Variants in FBN1 observed in about 807,000 individuals in gnomAD.
FBN1 encodes the protein fibrillin 1.
In FBN1, 29 loss-of-function variants were observed where a neutral mutation model predicts 365.1. The ratio of observed to expected loss-of-function variants is 0.08; its 90% CI spans 0.06 to 0.11. The LOEUF is 0.11. Ranked by LOEUF, FBN1 falls within the 10% of genes least tolerant of loss-of-function variation. FBN1 has a pLI of 1.00. For synonymous variants in FBN1, 1,210 were observed against 1,270.5 expected (o/e 0.95, Z 1.01); for missense variants, 2,476 against 3,703.2 (o/e 0.67, Z 8.60).
At chr15:48,481,282 T>C (rs1397323913) in intron 32 of FBN1, among the ~76,000 whole-genome samples, 1 of 152,162 alleles carries the variant, frequency 6.6e-6, no homozygotes, top group Non-Finnish European at 1.5e-5. Flanking sequence ...AAACCTTAAA[T>C]GAAGTGTTGG....
At chr15:48,462,951 T>A in intron 42 of FBN1, 131 bp downstream of exon 42, 1 of 895,950 alleles carries the variant, frequency 1.1e-6, no homozygotes, top group Non-Finnish European at 1.8e-6. Context: ...TGAATTTAAA[T>A]CATGAGCCGT....
In FBN1 at chr15:48,499,081, G is replaced by A. The variant is rs769951979; in HGVS notation, c.2114-43C>T. On this transcript the variant is annotated intron_variant, in intron 17 of 65. Coordinates refer to ENST00000316623, the MANE Select transcript of FBN1 (RefSeq NM_000138.5). Reference sequence around the variant, plus strand: ...ATAGTAAATGATTCCCTTGTTTGCAGAACAGGTAGATCCTGCCCTTGGTTT... The same window carrying A: ...ATAGTAAATGATTCCCTTGTTTGCAAAACAGGTAGATCCTGCCCTTGGTTT... The A allele has an allele frequency of 1.2e-5, 19 of 1,592,022 alleles. No homozygotes were observed. In the Middle Eastern group the frequency reaches 5.0e-4, roughly 42 times the overall value.
intron 24 of FBN1, among the ~76,000 whole-genome samples, chr15:48,490,707 A>C (rs1370197395): frequency 6.6e-6 from 1 of 152,222 alleles, no homozygotes; most frequent in Non-Finnish European, 1.5e-5. Context: ...ACCCAAATTC[A>C]TGGGATTATA....
intron 6 of FBN1, among the ~76,000 whole-genome samples, chr15:48,576,977 A>G (rs1383050613): frequency 2.0e-5 from 3 of 152,170 alleles, no homozygotes; most frequent in African/African-American, 7.2e-5. Flanking sequence ...TATTGCCCTC[A>G]TATAAGGAAT....
intron 56 of FBN1, among the ~76,000 whole-genome samples, chr15:48,429,513 G>A (rs922746164): frequency 6.6e-6 from 1 of 152,178 alleles, no homozygotes; most frequent in Admixed American, 6.5e-5. Context: ...TCCCTCAGAT[G>A]GAGCTCTCAC....
chr15:48,602,041 C>T (rs1489111188), intron 4 of FBN1, among the ~76,000 whole-genome samples: 10 of 152,142 alleles, frequency 6.6e-5, no homozygotes, highest in Non-Finnish European at 4.4e-5. Context: ...TACTATGTGC[C>T]ATGCAAAACA....
chr15:48,644,559 T>C, intron 2 of FBN1, 47 bp downstream of exon 2: 1 of 1,612,968 alleles, frequency 6.2e-7, no homozygotes, highest in South Asian at 1.1e-5. Flanking sequence ...GTTCTGGATC[T>C]TGAAACTTGG....
intron 6 of FBN1, among the ~76,000 whole-genome samples, chr15:48,548,896 G>A (rs933684363): frequency 1.2e-4 from 19 of 152,068 alleles, no homozygotes; most frequent in Admixed American, 1.3e-4. Context: ...TAATTAAAAT[G>A]GAATTTTCCA....
intron 35 of FBN1, among the ~76,000 whole-genome samples, chr15:48,472,091 TCTG>T (rs1343751214): frequency 1.3e-5 from 2 of 152,250 alleles, no homozygotes; most frequent in African/African-American, 4.8e-5. Flanking sequence ...GACTATTTGC[TCTG>T]CTTTTATTTC....
rs1457840577 is a variant in FBN1, at chr15:48,421,534, ATCGCAGCTGAAGT to A, written c.7699+11_7699+23del. Reference sequence around the variant, plus strand: ...ACCTCCACAAGGATTCACCAGCTGGATCGCAGCTGAAGTCTCCACCCACCTTCACAGCTGGAGC... The same window carrying A: ...ACCTCCACAAGGATTCACCAGCTGGACTCCACCCACCTTCACAGCTGGAGC... On this transcript the variant is annotated intron_variant, in intron 62 of 65. Transcript: ENST00000316623. 4 of 1,609,384 alleles carry A rather than the reference ATCGCAGCTGAAGT, an allele frequency of 2.5e-6. No individual in the cohort carries two copies. Among genetic ancestry groups the A allele is most frequent in the Non-Finnish European group, 3.4e-6 (4 of 1,178,648 alleles).
Position 48,488,105 on chromosome 15 carries a change from A to C in FBN1, c.3337+8T>G. The C allele has an allele frequency of 6.2e-7, 1 of 1,614,172 alleles. No individual in the cohort carries two copies. Among genetic ancestry groups the C allele is most frequent in the East Asian group, 2.2e-5 (1 of 44,884 alleles). ...CTTTCTGTGTTGATCAAATGATCCC[A>C]AACTTACCCATGCAGTTCTTCATCA... On this transcript the variant is annotated splice_region_variant and intron_variant, in intron 27 of 65. Coordinates refer to ENST00000316623, the MANE Select transcript of FBN1 (RefSeq NM_000138.5).
intron 13 of FBN1, 22 bp downstream of exon 13, chr15:48,513,527 A>G (rs1431388571): frequency 6.2e-7 from 1 of 1,613,790 alleles, no homozygotes; most frequent in Non-Finnish European, 8.5e-7. Context: ...CCCACATTCC[A>G]CGTCAGGAGC....
intron 4 of FBN1, among the ~76,000 whole-genome samples, chr15:48,603,614 G>A (rs542824134): frequency 1.3e-5 from 2 of 152,112 alleles, no homozygotes; most frequent in Admixed American, 1.3e-4. Flanking sequence ...ATCATAATTA[G>A]GAGACCAAGT....
At chr15:48,436,878 C>A in intron 53 of FBN1, 83 bp downstream of exon 53, 1 of 865,506 alleles carries the variant, frequency 1.2e-6, no homozygotes. Context: ...ATCTTGGTAC[C>A]TATATTCATG....
At chr15:48,546,548 G>GCC (rs2044095069) in intron 6 of FBN1, among the ~76,000 whole-genome samples, 1 of 152,176 alleles carries the variant, frequency 6.6e-6, no homozygotes, top group African/African-American at 2.4e-5. Context: ...GTGCAAAGGG[G>GCC]AAGGGGCATG....
intron 65 of FBN1, among the ~76,000 whole-genome samples, chr15:48,411,795 C>T (rs2042865997): frequency 6.6e-6 from 1 of 152,230 alleles, no homozygotes; most frequent in Non-Finnish European, 1.5e-5. Context: ...TTGAGAACCA[C>T]TGTTTTAATA....
chr15:48,569,495 T>C (rs1214191531), intron 6 of FBN1, among the ~76,000 whole-genome samples: 5 of 152,068 alleles, frequency 3.3e-5, no homozygotes, highest in South Asian at 2.1e-4. Context: ...GAAATACATA[T>C]GGTCAGACAA....
rs1048196080 is a variant in FBN1 at position 48,488,180 on chromosome 15, A to C, written c.3270T>G (p.Pro1090=). The C allele has an allele frequency of 1.9e-6, 3 of 1,614,094 alleles. No homozygotes were observed. The highest frequency in any genetic ancestry group is 2.2e-5 in the East Asian group (1 of 44,900). ...CGTCACACTTGCATTCAAAGTCCCCAGGGGTGTTCACACACTGGCCTCTGC... is the reference window on the plus strand; with the variant it reads ...CGTCACACTTGCATTCAAAGTCCCCCGGGGTGTTCACACACTGGCCTCTGC... The part of the protein sequence containing the change: ...LCGRGQCVNT[P]GDFECKCDEG... Residue 1090 remains proline (P), a synonymous_variant, in exon 27 of 66, where the codon CCT becomes CCG. Transcript: ENST00000316623.
At chr15:48,489,092 A>C (rs1171325885) in intron 25 of FBN1, among the ~76,000 whole-genome samples, 1 of 151,788 alleles carries the variant, frequency 6.6e-6, no homozygotes, top group Non-Finnish European at 1.5e-5. Context: ...GCTGGAGTAC[A>C]GTGGTGTGCT....
Sources: allele counts gnomAD v4.1 joint callset (sites outside exome capture counted in the v4.1 genomes callset), GRCh38; gene constraint gnomAD v4.1.1; transcripts MANE v1.5; gene names NCBI Gene and HGNC (gene_info 2026-07-23, HGNC 2026-07-21).